Variants in ARHGEF12 observed in about 807,000 individuals in gnomAD.
ARHGEF12 encodes Rho guanine nucleotide exchange factor 12.
In ARHGEF12, 66 loss-of-function variants were observed where a neutral mutation model predicts 211.2. The ratio of observed to expected loss-of-function variants is 0.31; its 90% CI spans 0.26 to 0.38. The LOEUF (loss-of-function observed/expected upper bound fraction) is 0.38, where lower values mean the gene tolerates loss of function less well. Ranked by LOEUF, ARHGEF12 falls within the 10% of genes least tolerant of loss-of-function variation. ARHGEF12 has a pLI of 1.00. For missense variants in ARHGEF12, 1,429 were observed against 1,869.5 expected (o/e 0.76, Z 4.34); for synonymous variants, 592 against 638.4 (o/e 0.93, Z 1.09).
intron 1 of ARHGEF12, among the ~76,000 whole-genome samples, chr11:120,340,577 C>T (rs928473655): frequency 1.3e-5 from 2 of 151,678 alleles, no homozygotes; most frequent in African/African-American, 4.8e-5. Context: ...GATACTTTTT[C>T]TGTCAAAATT....
At chr11:120,359,691 A>G (rs1943228239) in intron 1 of ARHGEF12, among the ~76,000 whole-genome samples, 2 of 152,226 alleles carry the variant, frequency 1.3e-5, no homozygotes, top group South Asian at 2.1e-4. Flanking sequence ...GAATAGGTGT[A>G]GATCAACAAG....
intron 20 of ARHGEF12, chr11:120,448,642 C>T (rs1435513278): frequency 2.6e-6 from 1 of 384,244 alleles, no homozygotes; most frequent in Non-Finnish European, 4.6e-6. Context: ...TAAATACCCC[C>T]TGTGTTGCTA....
intron 1 of ARHGEF12, among the ~76,000 whole-genome samples, chr11:120,387,026 TTAATC>T (rs1465346388): frequency 6.6e-6 from 1 of 152,042 alleles, no homozygotes; most frequent in Admixed American, 6.6e-5. Context: ...ATCCTAATCT[TTAATC>T]TATGCCAAGA....
chr11:120,393,914 A>G (rs1944294388), intron 1 of ARHGEF12, among the ~76,000 whole-genome samples: 1 of 151,986 alleles, frequency 6.6e-6, no homozygotes, highest in Non-Finnish European at 1.5e-5. Flanking sequence ...GACAGACACA[A>G]TTCTGGGCTG....
Position 120,406,146 on chromosome 11 carries a change from G to C in ARHGEF12, c.56+5G>C, listed in dbSNP as rs775641107. On this transcript the variant is annotated splice_donor_5th_base_variant and intron_variant, in intron 2 of 40. Coordinates refer to ENST00000397843, the MANE Select transcript of ARHGEF12 (RefSeq NM_015313.3). ...TCCCCTCAAAAAACCTATAAGGTAAGTTTGCTCAATTACACTTCATACTCA... is the reference window on the plus strand; with the variant it reads ...TCCCCTCAAAAAACCTATAAGGTAACTTTGCTCAATTACACTTCATACTCA... 2 of 1,527,252 alleles carry C rather than the reference G, an allele frequency of 1.3e-6. No individual in the cohort carries two copies. Among genetic ancestry groups the C allele is most frequent in the Non-Finnish European group, 1.8e-6 (2 of 1,140,698 alleles). The allele number at this position is 1,527,252 out of a possible 1,614,324, so 94.6% of individuals were successfully genotyped here.
chr11:120,416,715 A>G, intron 4 of ARHGEF12, among the ~76,000 whole-genome samples: 1 of 151,894 alleles, frequency 6.6e-6, no homozygotes, highest in Non-Finnish European at 1.5e-5. Flanking sequence ...CAGTGGCGCG[A>G]TCTCGGCTCA....
chr11:120,409,722 A>T, intron 4 of ARHGEF12: 2 of 317,256 alleles, frequency 6.3e-6, no homozygotes, highest in Non-Finnish European at 1.2e-5. Context: ...TAGGAAGGTG[A>T]TTATCTCTAA....
At chr11:120,431,704 T>G in intron 10 of ARHGEF12, 67 bp from the exon 11 acceptor site, 1 of 1,447,116 alleles carries the variant, frequency 6.9e-7, no homozygotes, top group Non-Finnish European at 9.2e-7. Flanking sequence ...TATTTCTTTA[T>G]GCAGCAAGTA....
chr11:120,477,096 G>A, intron 34 of ARHGEF12, 123 bp from the exon 35 acceptor site: 1 of 689,686 alleles, frequency 1.4e-6, no homozygotes, highest in Non-Finnish European at 2.5e-6. Flanking sequence ...TGTTGTTGTT[G>A]TTGTTGTTGT....
chr11:120,429,615 C>G, intron 9 of ARHGEF12, 97 bp from the exon 10 acceptor site: 3 of 1,548,096 alleles, frequency 1.9e-6, no homozygotes, highest in Non-Finnish European at 2.7e-6. Flanking sequence ...AGCATTGTAA[C>G]CAATGCCATT....
At chr11:120,479,936 C>G in intron 37 of ARHGEF12, 24 bp from the exon 38 acceptor site, 2 of 1,571,528 alleles carry the variant, frequency 1.3e-6, no homozygotes. Context: ...TGTTTTTTTT[C>G]CCCCTCCTTC....
chr11:120,471,279 G>A (rs1946858019), intron 30 of ARHGEF12, among the ~76,000 whole-genome samples: 1 of 152,106 alleles, frequency 6.6e-6, no homozygotes, highest in African/African-American at 2.4e-5. Flanking sequence ...CTGAGTGATA[G>A]GAAAGGAATG....
chr11:120,410,462 A>C (rs567424877), intron 4 of ARHGEF12: 1 of 152,248 alleles, frequency 6.6e-6, no homozygotes, highest in South Asian at 2.1e-4. Flanking sequence ...ATAGAGCCAC[A>C]AATCTATAGA....
rs2136049013 is a variant in ARHGEF12 at position 120,489,133 on chromosome 11, G to GT, written c.*4057dup. The GT allele has an allele frequency of 4.4e-6, 1 of 226,694 alleles. No homozygotes were observed. The highest frequency in any genetic ancestry group is 1.8e-4 in the South Asian group (1 of 5,446). The allele number at this position is 226,694 out of a possible 1,614,324, so 14.0% of individuals were successfully genotyped here. On this transcript the variant is annotated 3_prime_UTR_variant, in exon 41 of 41. Transcript: ENST00000397843. ...GAGCCTGTAATTAATTTTCCTGTCA[G>GT]TGACTGTCAGACATCTTCCTGCTTA...
intron 38 of ARHGEF12, 39 bp from the exon 39 acceptor site, chr11:120,481,221 A>G (rs752418169): frequency 1.9e-6 from 3 of 1,571,046 alleles, no homozygotes; most frequent in Admixed American, 1.7e-5. Flanking sequence ...TTCTAATGGC[A>G]GCACTGGTCT....
intron 1 of ARHGEF12, among the ~76,000 whole-genome samples, chr11:120,394,684 G>C (rs1170002615): frequency 6.6e-6 from 1 of 151,866 alleles, no homozygotes; most frequent in East Asian, 1.9e-4. Flanking sequence ...AGCTGATCAG[G>C]ATGAAAAGAG....
chr11:120,489,870 A>C lies in ARHGEF12; in HGVS notation c.*4793A>C, dbSNP rs1300952209. ...GGTGGAACAAAGAAATACCTGTACC[A>C]TTCCCACTTGCTCTTTGATAGCCAC... On this transcript the variant is annotated 3_prime_UTR_variant, in exon 41 of 41. Coordinates refer to ENST00000397843, the MANE Select transcript of ARHGEF12 (RefSeq NM_015313.3). The C allele has an allele frequency of 5.4e-6, 1 of 184,244 alleles. No homozygotes were observed. The allele number at this position is 184,244 out of a possible 1,614,324, so 11.4% of individuals were successfully genotyped here. A position where few individuals can be genotyped will look rare whatever the true frequency, so the allele number is the denominator to read the frequency against.
At chr11:120,443,716 A>T (rs1294318013) in intron 15 of ARHGEF12, among the ~76,000 whole-genome samples, 1 of 152,230 alleles carries the variant, frequency 6.6e-6, no homozygotes, top group Non-Finnish European at 1.5e-5. Flanking sequence ...TTACACAGTC[A>T]GTCTTCTGTG....
At chr11:120,394,837 C>G (rs776359045) in intron 1 of ARHGEF12, among the ~76,000 whole-genome samples, 4 of 151,756 alleles carry the variant, frequency 2.6e-5, no homozygotes, top group Non-Finnish European at 5.9e-5. Flanking sequence ...GTGGGCAGAT[C>G]ACTTGAGGCA....
Sources: gnomAD v4.1 joint callset for allele counts (sites outside exome capture counted in the v4.1 genomes callset) on GRCh38, gnomAD v4.1.1 for gene constraint, MANE v1.5 for transcripts, NCBI Gene and HGNC (gene_info 2026-07-23, HGNC 2026-07-21) for gene names.